AGBL4: variants seen among roughly 807,000 people sequenced by gnomAD.
AGBL4 encodes cytosolic carboxypeptidase 6.
AGBL4 carries 58 observed loss-of-function variants against 66.4 expected under a neutral mutation model. That is an observed-to-expected ratio of 0.87 (90% confidence interval 0.71 to 1.09). The LOEUF is 1.09. Among genes scored for constraint, AGBL4 ranks in the 50% least tolerant of loss-of-function variants. AGBL4 has a pLI of 0.00. For missense variants in AGBL4, 579 were observed against 631.0 expected (o/e 0.92, Z 0.88); for synonymous variants, 234 against 222.9 (o/e 1.05, Z -0.44).
intron 1 of AGBL4, among the ~76,000 whole-genome samples, chr1:49,851,737 A>G (rs186485214): frequency 1.3e-5 from 2 of 152,218 alleles, no homozygotes; most frequent in Non-Finnish European, 2.9e-5. Flanking sequence ...CTATGCCCCA[A>G]AGCAATCAAC....
chr1:48,591,057 C>A, intron 9 of AGBL4, 72 bp from the exon 10 acceptor site: 2 of 1,324,842 alleles, frequency 1.5e-6, no homozygotes, highest in East Asian at 5.0e-5. Flanking sequence ...AGACACTACA[C>A]TACACACACA....
intron 3 of AGBL4, among the ~76,000 whole-genome samples, chr1:49,652,983 G>A (rs993874429): frequency 2.0e-5 from 3 of 152,136 alleles, no homozygotes; most frequent in Admixed American, 1.3e-4. Flanking sequence ...CCTTATTTAA[G>A]TGGGTCCCTG....
chr1:49,781,949 T>C (rs961579011), intron 2 of AGBL4, among the ~76,000 whole-genome samples: 2 of 152,008 alleles, frequency 1.3e-5, no homozygotes, highest in Admixed American at 1.3e-4. Context: ...TCAACGAACA[T>C]GTAGGGTACA....
At chr1:49,366,992 C>CATTT (rs1362339968) in intron 3 of AGBL4, among the ~76,000 whole-genome samples, 1 of 152,168 alleles carries the variant, frequency 6.6e-6, no homozygotes, top group Non-Finnish European at 1.5e-5. Flanking sequence ...CAGACATAGA[C>CATTT]ATTTATACCT....
At chr1:49,478,647 A>G (rs1416574236) in intron 3 of AGBL4, among the ~76,000 whole-genome samples, 2 of 152,056 alleles carry the variant, frequency 1.3e-5, no homozygotes. Flanking sequence ...AAATCATCAG[A>G]AGGTACCAAA....
intron 3 of AGBL4, among the ~76,000 whole-genome samples, chr1:49,656,988 T>A (rs776710381): frequency 1.2e-4 from 18 of 152,156 alleles, no homozygotes; most frequent in Non-Finnish European, 1.9e-4. Flanking sequence ...TTCAACATAG[T>A]GTTGGAAGTT....
chr1:49,895,941 TAAAA>T (rs34539823), intron 1 of AGBL4, among the ~76,000 whole-genome samples: 1 of 133,946 alleles, frequency 7.5e-6, no homozygotes, highest in Non-Finnish European at 1.6e-5. Context: ...CTGAATGGGG[TAAAA>T]AAAAAAAAAA....
At chr1:48,594,670 GT>G (rs1416903799) in intron 9 of AGBL4, among the ~76,000 whole-genome samples, 1 of 151,988 alleles carries the variant, frequency 6.6e-6, no homozygotes, top group Non-Finnish European at 1.5e-5. Context: ...AGTTTTCAAT[GT>G]TTTGTTTCAG....
chr1:49,724,028 G>A (rs1648818116), intron 2 of AGBL4, among the ~76,000 whole-genome samples: 1 of 152,104 alleles, frequency 6.6e-6, no homozygotes, highest in African/African-American at 2.4e-5. Context: ...GGGTAGAATA[G>A]GAATGATTAG....
At chr1:49,772,536 T>C (rs940791799) in intron 2 of AGBL4, among the ~76,000 whole-genome samples, 10 of 152,206 alleles carry the variant, frequency 6.6e-5, no homozygotes, top group Non-Finnish European at 5.9e-5. Context: ...AAGTATTTCT[T>C]GTAAGGCCAG....
intron 3 of AGBL4, among the ~76,000 whole-genome samples, chr1:49,537,854 G>C (rs934922430): frequency 6.6e-6 from 1 of 152,002 alleles, no homozygotes; most frequent in African/African-American, 2.4e-5. Flanking sequence ...GTGAACCCAG[G>C]AGGTGGAGCT....
intron 3 of AGBL4, among the ~76,000 whole-genome samples, chr1:49,476,227 T>A (rs1435018888): frequency 6.6e-6 from 1 of 152,104 alleles, no homozygotes; most frequent in Non-Finnish European, 1.5e-5. Context: ...TTATGTGAAT[T>A]TAAGAGATCT....
chr1:49,370,471 G>A (rs1644319499), intron 3 of AGBL4, among the ~76,000 whole-genome samples: 1 of 152,096 alleles, frequency 6.6e-6, no homozygotes, highest in Non-Finnish European at 1.5e-5. Flanking sequence ...AAGGTCTTCA[G>A]TGGATTAAAA....
chr1:49,739,685 C>A (rs1009547039), intron 2 of AGBL4, among the ~76,000 whole-genome samples: 8 of 152,204 alleles, frequency 5.3e-5, no homozygotes, highest in African/African-American at 1.9e-4. Context: ...GGAAGCCCAT[C>A]AGACTAACAG....
intron 3 of AGBL4, among the ~76,000 whole-genome samples, chr1:49,382,630 C>G (rs1051022989): frequency 5.3e-5 from 8 of 152,218 alleles, no homozygotes; most frequent in Middle Eastern, 3.4e-3. Context: ...CTTGCCACTT[C>G]TATTCAATAC....
At chr1:49,818,708 G>A (rs1180646392) in intron 2 of AGBL4, among the ~76,000 whole-genome samples, 2 of 152,190 alleles carry the variant, frequency 1.3e-5, no homozygotes, top group East Asian at 3.9e-4. Flanking sequence ...TATGGTCTGT[G>A]TGTGATATAC....
intron 4 of AGBL4, among the ~76,000 whole-genome samples, chr1:49,098,672 T>C (rs1645150081): frequency 6.6e-6 from 1 of 152,172 alleles, no homozygotes; most frequent in East Asian, 1.9e-4. Flanking sequence ...ACTGGCCTAA[T>C]GACATGAGGG....
At chr1:49,631,016 A>C (rs1645560692) in intron 3 of AGBL4, among the ~76,000 whole-genome samples, 1 of 152,156 alleles carries the variant, frequency 6.6e-6, no homozygotes, top group Non-Finnish European at 1.5e-5. Flanking sequence ...CCTTGCAGAG[A>C]AACAGCCTCT....
intron 6 of AGBL4, among the ~76,000 whole-genome samples, chr1:48,667,257 G>T (rs1646203763): frequency 1.3e-5 from 2 of 152,172 alleles, no homozygotes; most frequent in African/African-American, 4.8e-5. Context: ...TGAGATTAAG[G>T]TATAAAAAGA....
Sources: allele counts gnomAD v4.1 joint callset (sites outside exome capture counted in the v4.1 genomes callset), GRCh38; gene constraint gnomAD v4.1.1; transcripts MANE v1.5; gene names NCBI Gene and HGNC (gene_info 2026-07-23, HGNC 2026-07-21).